The following FRY variants were observed in gnomAD, a reference collection of about 807,000 sequenced individuals.
FRY encodes the protein FRY microtubule binding protein, also known as protein furry homolog.
Under a neutral mutation model 348.4 loss-of-function variants are expected in FRY, and 128 were observed. The observed-to-expected ratio is 0.37, with a 90% CI of 0.32 to 0.43. FRY has a LOEUF of 0.43. FRY is among the 20% of genes least tolerant of loss of function. FRY has a pLI of 1.00. For synonymous variants in FRY, 1,370 were observed against 1,374.7 expected, an observed-to-expected ratio of 1.00 and a Z score of 0.08; for missense variants, 2,736 against 3,695.2, an observed-to-expected ratio of 0.74 and a Z score of 6.73.
intron 1 of FRY, among the ~76,000 whole-genome samples, chr13:32,033,370 T>C (rs897894104): frequency 6.6e-5 from 10 of 152,222 alleles, no homozygotes; most frequent in Non-Finnish European, 8.8e-5. Flanking sequence ...TTTAAACATA[T>C]TTGATTATTC....
chr13:32,267,441 T>A, intron 55 of FRY, 82 bp downstream of exon 55: 1 of 1,220,572 alleles, frequency 8.2e-7, no homozygotes, highest in South Asian at 1.2e-5. Flanking sequence ...AGGTTGTTCT[T>A]CTGTTCTGGG....
chr13:32,221,599 A>C (rs2138399061), intron 36 of FRY, among the ~76,000 whole-genome samples: 1 of 152,262 alleles, frequency 6.6e-6, no homozygotes, highest in African/African-American at 2.4e-5. Context: ...TGCAGCCTCT[A>C]CCTCTGGGGT....
At chr13:32,203,327 C>T (rs1011895012) in intron 31 of FRY, among the ~76,000 whole-genome samples, 6 of 152,174 alleles carry the variant, frequency 3.9e-5, no homozygotes, top group Admixed American at 6.5e-5. Context: ...TTTGCATATT[C>T]TTTACAATCT....
At chr13:32,183,776 CAAA>C (rs10706504) in intron 24 of FRY, among the ~76,000 whole-genome samples, 1,309 of 78,090 alleles carry the variant, frequency 0.017, 25 homozygotes, top group Admixed American at 0.073. Flanking sequence ...ACTCTGTCTC[CAAA>C]AAAAAAAAAA....
Position 32,187,647 on chromosome 13 carries a change from A to G in FRY, c.3582A>G (p.Gln1194=). ...GGCTTGACAACATTCTGGCTTGTCA[A>G]GATTTACGAGTAAGTATAGGCAAAA... ...YKWLDNILAC[Q]DLRVHQLGCE... is the part of the protein sequence containing the mutation. Residue 1194 remains glutamine (Q), a synonymous_variant, in exon 28 of 61, where the codon CAA becomes CAG. Coordinates refer to ENST00000542859, the MANE Select transcript of FRY (RefSeq NM_023037.3). 1.9e-6 allele frequency: 3 copies of G among 1,580,388 alleles called. No homozygotes were observed. The highest frequency in any genetic ancestry group is 2.6e-6 in the Non-Finnish European group (3 of 1,149,250).
At chr13:32,124,761 G>A (rs1878922380) in intron 6 of FRY, 34 bp from the exon 7 acceptor site, 1 of 1,553,624 alleles carries the variant, frequency 6.4e-7, no homozygotes, top group Non-Finnish European at 8.9e-7. Flanking sequence ...CGATGACCAG[G>A]GATCCCTAAC....
intron 28 of FRY, among the ~76,000 whole-genome samples, chr13:32,192,575 G>A (rs1170451634): frequency 6.6e-6 from 1 of 152,040 alleles, no homozygotes; most frequent in Non-Finnish European, 1.5e-5. Flanking sequence ...CGAGTTGGGG[G>A]AAACTAGGTT....
rs550820515 is a variant in FRY, at chr13:32,178,579, T to TA, written c.2681+150dup. 1.1e-3 allele frequency: 1,097 copies of TA among 1,006,110 alleles called. 12 individuals are homozygous for TA. In the African/African-American group the frequency reaches 0.016, roughly 14 times the overall value. The allele number at this position is 1,006,110 out of a possible 1,614,324, so 62.3% of individuals were successfully genotyped here. On this transcript the variant is annotated intron_variant, in intron 21 of 60. Transcript: ENST00000542859. ...AATTCTTAACATTGAGTAAAAACAT[T>TA]AAAAAAATTTTGTCTAAAGCTAGTG...
chr13:32,037,058 A>AC (rs1491357726), intron 1 of FRY, among the ~76,000 whole-genome samples: 2,500 of 28,822 alleles, frequency 0.087, 75 homozygotes, highest in African/African-American at 0.21. Flanking sequence ...ACACACACAC[A>AC]AACACACACA....
At position 32,043,112 on chromosome 13, in the gene FRY, C is replaced by T. The variant is rs548837164; in HGVS notation, c.70+11247C>T. On this transcript the variant is annotated intron_variant, in intron 1 of 60. Transcript: ENST00000542859. ...ATCATGGAGGAAGGTGAAAGGCACA[C>T]CTCACATGGCAGCGGCAAGAGAGAG... Among the ~76,000 whole-genome samples, 5 of 152,140 alleles carry T rather than the reference C, an allele frequency of 3.3e-5. 1 individual carries two copies. In the South Asian group the frequency reaches 8.3e-4, roughly 25 times the overall value.
intron 43 of FRY, 86 bp downstream of exon 43, chr13:32,236,258 G>T (rs1886221164): frequency 9.9e-7 from 1 of 1,008,736 alleles, no homozygotes; most frequent in Admixed American, 1.9e-5. Flanking sequence ...AAAGTACAAA[G>T]AAAAAATCTA....
At chr13:32,182,218 A>G (rs1179688713) in intron 23 of FRY, among the ~76,000 whole-genome samples, 1 of 152,204 alleles carries the variant, frequency 6.6e-6, no homozygotes, top group Non-Finnish European at 1.5e-5. Context: ...TGACCTAGCA[A>G]TTCAGAAGTT....
At chr13:32,277,337 T>G (rs1195017565) in intron 57 of FRY, among the ~76,000 whole-genome samples, 7 of 152,226 alleles carry the variant, frequency 4.6e-5, no homozygotes, top group African/African-American at 1.7e-4. Context: ...TAATAATAAC[T>G]AATTTGCAGG....
intron 2 of FRY, among the ~76,000 whole-genome samples, chr13:32,098,138 A>G (rs184573894): frequency 1.8e-4 from 28 of 152,032 alleles, no homozygotes; most frequent in African/African-American, 6.8e-4. Context: ...AATTCCAACT[A>G]CTCTGTCTCC....
chr13:32,242,621 A>G (rs969854177), intron 46 of FRY, among the ~76,000 whole-genome samples: 11 of 152,106 alleles, frequency 7.2e-5, no homozygotes, highest in African/African-American at 2.4e-4. Context: ...TGCAACTTCC[A>G]CTTCCTGGGT....
At chr13:32,085,431 ATAAAGT>A (rs1265966173) in intron 2 of FRY, among the ~76,000 whole-genome samples, 7 of 152,224 alleles carry the variant, frequency 4.6e-5, no homozygotes, top group African/African-American at 7.2e-5. Context: ...GACAAAAGAG[ATAAAGT>A]TAAAGACAAA....
In FRY at chr13:32,079,034, G is replaced by T; in HGVS notation, c.270+1G>T. 1 of 1,605,426 alleles carries T rather than the reference G, an allele frequency of 6.2e-7. No homozygotes were observed. ...TCGTATCATTATGGCAGAGCCCCTG[G>T]TGAGTACATGCCGTGGAAACTGCCT... On this transcript the variant is annotated splice_donor_variant, in intron 2 of 60. Transcript: ENST00000542859. LOFTEE classifies it high-confidence loss of function.
intron 10 of FRY, among the ~76,000 whole-genome samples, chr13:32,135,398 A>C (rs571836129): frequency 1.3e-5 from 2 of 152,338 alleles, no homozygotes; most frequent in African/African-American, 4.8e-5. Context: ...ATCACCTCAG[A>C]TGACCCTCTG....
intron 14 of FRY, among the ~76,000 whole-genome samples, chr13:32,154,773 A>G (rs964507839): frequency 2.4e-4 from 37 of 152,230 alleles, no homozygotes; most frequent in African/African-American, 8.7e-4. Flanking sequence ...TGTTTCACAC[A>G]TGGCTGCTTA....
Sources: allele counts gnomAD v4.1 joint callset (sites outside exome capture counted in the v4.1 genomes callset), GRCh38; gene constraint gnomAD v4.1.1; transcripts MANE v1.5; gene names NCBI Gene and HGNC (gene_info 2026-07-23, HGNC 2026-07-21).